The following C10orf88 variants were observed in gnomAD, a reference collection of about 807,000 sequenced individuals.
The protein encoded by C10orf88 is chromosome 10 open reading frame 88.
Under a neutral mutation model 34.2 loss-of-function variants are expected in C10orf88, and 29 were observed. That is an observed-to-expected ratio of 0.85 (90% CI 0.63 to 1.16). The LOEUF (loss-of-function observed/expected upper bound fraction) is 1.16. Among genes scored for constraint, C10orf88 ranks in the 50% most tolerant of loss-of-function variants. C10orf88 has a pLI of 0.00. For missense variants in C10orf88, 507 were observed against 533.2 expected (o/e 0.95, Z 0.48); for synonymous variants, 194 against 197.4 (o/e 0.98, Z 0.15).
intron 5 of C10orf88, among the ~76,000 whole-genome samples, chr10:122,934,247 A>C (rs1465959164): frequency 6.6e-6 from 1 of 152,170 alleles, no homozygotes; most frequent in African/African-American, 2.4e-5. Context: ...TCATATGTAC[A>C]CATATTTATT....
chr10:122,932,457 A>G lies in C10orf88; in HGVS notation c.1308T>C (p.Ser436=). 1 of 1,613,486 alleles carries G rather than the reference A, an allele frequency of 6.2e-7. No homozygotes were observed. Among genetic ancestry groups the G allele is most frequent in the Non-Finnish European group, 8.5e-7 (1 of 1,179,578 alleles). Residue 436 remains serine (S), a synonymous_variant, in exon 6 of 6, where the codon TCT becomes TCC. Transcript: ENST00000481909. ...TTTCTCCATTTGAAAGTCTTTCTCC[A>G]GAGTCATAATGTCTTAGAGGTATCC... is the stretch of plus-strand genomic sequence containing the variant. ...PTGIPLRHYD[S]GERLSNGER
At chr10:122,949,722 A>G (rs910345902) in intron 3 of C10orf88, among the ~76,000 whole-genome samples, 3 of 152,212 alleles carry the variant, frequency 2.0e-5, no homozygotes. Context: ...GTGAAACTGC[A>G]GATAAAGGAG....
chr10:122,932,584 A>C lies in C10orf88; in HGVS notation c.1181T>G (p.Met394Arg). The part of the protein sequence containing the change: ...KNMELMEKKL[M>R]DYIDQRIHEL... ...ATGTATTCGCTGATCAATGTAATCC[A>C]TAAGTTTCTTTTCCATCAGTTCCAT... is the stretch of plus-strand genomic sequence containing the variant. The change falls in exon 6 of 6, where the codon ATG becomes AGG. Residue 394 changes from methionine to arginine, a missense_variant. Physicochemically the swap from Met to Arg is moderately conservative, Grantham distance 91. Coordinates refer to ENST00000481909, the MANE Select transcript of C10orf88 (RefSeq NM_024942.4). The C allele has an allele frequency of 1.2e-6, 2 of 1,613,920 alleles. No homozygotes were observed. Among genetic ancestry groups the C allele is most frequent in the Non-Finnish European group, 1.7e-6 (2 of 1,179,948 alleles).
At chr10:122,938,276 T>C in intron 4 of C10orf88, 117 bp from the exon 5 acceptor site, 2 of 885,276 alleles carry the variant, frequency 2.3e-6, no homozygotes, top group East Asian at 5.2e-5. Context: ...AACATCCTTA[T>C]AAAGTAGGCC....
At chr10:122,943,043 C>A (rs1243554319) in intron 4 of C10orf88, among the ~76,000 whole-genome samples, 3 of 151,632 alleles carry the variant, frequency 2.0e-5, no homozygotes, top group Admixed American at 2.0e-4. Flanking sequence ...CATATGGAAC[C>A]AAAAAAGAGC....
chr10:122,945,587 T>C (rs929662107), intron 4 of C10orf88, among the ~76,000 whole-genome samples: 6 of 151,872 alleles, frequency 4.0e-5, no homozygotes, highest in African/African-American at 1.5e-4. Flanking sequence ...ATCCTGACCC[T>C]CTGTAGGCCT....
chr10:122,952,413 GCA>G (rs761951251), intron 2 of C10orf88, among the ~76,000 whole-genome samples: 4 of 152,208 alleles, frequency 2.6e-5, no homozygotes, highest in Non-Finnish European at 5.9e-5. Context: ...GGTTTATGTA[GCA>G]CAGTCTTAGA....
In C10orf88 at chr10:122,937,822, G is replaced by C. The variant is rs1848547889; in HGVS notation, c.986C>G (p.Ser329Cys). ...KVSDNSNIPN[S>C]ELLPFLQNLC... ...ATTCTGGAGAAAAGGCAGCAACTCG[G>C]AGTTGGGTATATTTGAGTTGTCACT... The change falls in exon 5 of 6, where the codon TCC (serine) becomes TGC (cysteine). Residue 329 changes from serine (S) to cysteine (C), a missense_variant. Physicochemically the swap from Ser to Cys is moderately radical, Grantham distance 112 (BLOSUM62 -1). Transcript: ENST00000481909. The C allele has an allele frequency of 1.2e-6, 2 of 1,613,160 alleles. No individual in the cohort carries two copies. Among genetic ancestry groups the C allele is most frequent in the East Asian group, 2.2e-5 (1 of 44,860 alleles).
At chr10:122,932,738 C>T (rs534717344) in intron 5 of C10orf88, 77 bp from the exon 6 acceptor site, 4 of 984,862 alleles carry the variant, frequency 4.1e-6, no homozygotes, top group East Asian at 5.2e-5. Flanking sequence ...AAGCAGCCAA[C>T]ATATATTGCT....
chr10:122,936,913 T>C (rs774825027), intron 5 of C10orf88, among the ~76,000 whole-genome samples: 1 of 152,034 alleles, frequency 6.6e-6, no homozygotes, highest in Non-Finnish European at 1.5e-5. Flanking sequence ...TCTTTGCAAA[T>C]CTTCCATAGA....
At chr10:122,933,958 T>C (rs1848509586) in intron 5 of C10orf88, among the ~76,000 whole-genome samples, 1 of 152,150 alleles carries the variant, frequency 6.6e-6, no homozygotes, top group South Asian at 2.1e-4. Context: ...TTTAAACAAA[T>C]ATTTTTATGT....
In C10orf88 at chr10:122,948,821, A is replaced by T. The variant is rs1848664328; in HGVS notation, c.476T>A (p.Ile159Asn). 1 of 1,613,272 alleles carries T rather than the reference A, an allele frequency of 6.2e-7. No individual in the cohort carries two copies. Among genetic ancestry groups the T allele is most frequent in the Admixed American group, 1.7e-5 (1 of 59,978 alleles). Residue 159 changes from isoleucine (I) to asparagine (N), a missense_variant, in exon 4 of 6, where the codon ATC becomes AAC. Transcript: ENST00000481909. ...LSFGERQCVF[I>N]SKVVVHMRSV... is the part of the protein sequence containing the mutation. Reference sequence around the variant, plus strand: ...TCTCATGTGTACCACAACTTTACTGATGAACACACACTGCCTTTCGCCAAA... The same window carrying T: ...TCTCATGTGTACCACAACTTTACTGTTGAACACACACTGCCTTTCGCCAAA...
chr10:122,934,254 TATTTA>T (rs776465179), intron 5 of C10orf88, among the ~76,000 whole-genome samples: 96 of 152,310 alleles, frequency 6.3e-4, no homozygotes, highest in Middle Eastern at 3.4e-3. Context: ...TACACATATT[TATTTA>T]AACACCACCA....
In C10orf88 at chr10:122,931,819, A is replaced by G. The variant is rs996482801; in HGVS notation, c.*608T>C. On this transcript the variant is annotated 3_prime_UTR_variant, in exon 6 of 6. Coordinates refer to ENST00000481909, the MANE Select transcript of C10orf88 (RefSeq NM_024942.4). ...ATCCAAAGTACTAATCGTAACAAGGACTAGGCTAGTTCTGATGTTTACTTT... is the reference window on the plus strand; with the variant it reads ...ATCCAAAGTACTAATCGTAACAAGGGCTAGGCTAGTTCTGATGTTTACTTT... 6.6e-6 allele frequency: 1 copy of G among 152,376 alleles called. No homozygotes were observed. The highest frequency in any genetic ancestry group is 2.4e-5 in the African/African-American group (1 of 41,456). 9.4% of individuals were successfully genotyped at this position (152,376 alleles called of 1,614,324 possible). A position where few individuals can be genotyped will look rare whatever the true frequency, so the allele number is the denominator to read the frequency against.
At chr10:122,948,619 T>C (rs1470013630) in intron 4 of C10orf88, 30 bp downstream of exon 4, 1 of 1,595,212 alleles carries the variant, frequency 6.3e-7, no homozygotes, top group Non-Finnish European at 8.6e-7. Flanking sequence ...ATCATTAATG[T>C]TATCTGGAAA....
At chr10:122,950,996 T>TTCTTC (rs1286420935) in intron 3 of C10orf88, among the ~76,000 whole-genome samples, 1 of 152,224 alleles carries the variant, frequency 6.6e-6, no homozygotes, top group African/African-American at 2.4e-5. Flanking sequence ...TCCAAGAATT[T>TTCTTC]TCTTCAGCTC....
Position 122,932,522 on chromosome 10 carries a change from A to G in C10orf88, c.1243T>C (p.Leu415=), listed in dbSNP as rs375556485. The G allele has an allele frequency of 1.2e-6, 2 of 1,614,066 alleles. No individual in the cohort carries two copies. The highest frequency in any genetic ancestry group is 1.7e-6 in the Non-Finnish European group (2 of 1,179,984). ...TTAGGATTTTGCAGCAAATCCAGTAACAAAGCAATCTTATCATCAATGTGC... is the reference window on the plus strand; with the variant it reads ...TTAGGATTTTGCAGCAAATCCAGTAGCAAAGCAATCTTATCATCAATGTGC... ...QEHIDDKIAL[L]LDLLQNPNSP... Residue 415 remains leucine, a synonymous_variant, in exon 6 of 6, where the codon TTA becomes CTA. Transcript: ENST00000481909.
rs773766626 is a variant in C10orf88 at position 122,931,597 on chromosome 10, T to C, written c.*830A>G. 2 of 152,196 alleles carry C rather than the reference T, an allele frequency of 1.3e-5. No individual in the cohort carries two copies. The highest frequency in any genetic ancestry group is 2.4e-5 in the African/African-American group (1 of 41,444). The allele number at this position is 152,196 out of a possible 1,614,324, so 9.4% of individuals were successfully genotyped here. On this transcript the variant is annotated 3_prime_UTR_variant, in exon 6 of 6. Coordinates refer to ENST00000481909, the MANE Select transcript of C10orf88 (RefSeq NM_024942.4). The stretch of plus-strand genomic sequence containing the variant: ...TTATAAGGTCTGAAAACTAAGTCTA[T>C]CAGAGAGAATTGCAATCCCTTGACT...
intron 4 of C10orf88, among the ~76,000 whole-genome samples, chr10:122,948,442 G>A (rs567281491): frequency 6.6e-6 from 1 of 152,252 alleles, no homozygotes; most frequent in South Asian, 2.1e-4. Context: ...CTTGCTGAAT[G>A]AATGAATGCA....
Sources: allele counts gnomAD v4.1 joint callset (sites outside exome capture counted in the v4.1 genomes callset), GRCh38; gene constraint gnomAD v4.1.1; transcripts MANE v1.5; gene names NCBI Gene and HGNC (gene_info 2026-07-23, HGNC 2026-07-21).